CNTNAP2: variants seen among roughly 807,000 people sequenced by gnomAD.
CNTNAP2 encodes contactin-associated protein-like 2.
A neutral mutation model predicts 155.2 loss-of-function variants in CNTNAP2; 98 were observed. The observed-to-expected ratio is 0.63, with a 90% CI of 0.54 to 0.75. The LOEUF (loss-of-function observed/expected upper bound fraction) is 0.75, where lower values mean the gene tolerates loss of function less well. Among genes scored for constraint, CNTNAP2 ranks in the 30% least tolerant of loss-of-function variants. The pLI is 0.00. For synonymous variants in CNTNAP2, 651 were observed against 631.2 expected, an observed-to-expected ratio of 1.03 and a Z score of -0.47; for missense variants, 1,727 against 1,688.1, an observed-to-expected ratio of 1.02 and a Z score of -0.40.
intron 8 of CNTNAP2, among the ~76,000 whole-genome samples, chr7:147,137,271 TA>T (rs1801502157): frequency 6.6e-6 from 1 of 151,190 alleles, no homozygotes; most frequent in Non-Finnish European, 1.5e-5. Flanking sequence ...ATGCTAAGAA[TA>T]AAATTTTTAA....
chr7:147,333,638 T>C (rs1008754183), intron 9 of CNTNAP2, among the ~76,000 whole-genome samples: 7 of 152,150 alleles, frequency 4.6e-5, no homozygotes, highest in African/African-American at 1.7e-4. Context: ...AATAAGTACA[T>C]TGGGAAGTTT....
chr7:146,820,427 G>C (rs565651514), intron 2 of CNTNAP2, among the ~76,000 whole-genome samples: 1 of 152,222 alleles, frequency 6.6e-6, no homozygotes, highest in Middle Eastern at 3.4e-3. Flanking sequence ...AAAACATACA[G>C]ACTTTTAAAA....
intron 10 of CNTNAP2, 129 bp downstream of exon 10, chr7:147,395,909 A>G: frequency 1.0e-6 from 1 of 952,694 alleles, no homozygotes; most frequent in East Asian, 2.5e-5. Flanking sequence ...TTACCATTCA[A>G]AGTACGTATT....
chr7:148,002,627 C>T (rs572407957), intron 15 of CNTNAP2, among the ~76,000 whole-genome samples: 4 of 152,144 alleles, frequency 2.6e-5, no homozygotes, highest in Admixed American at 6.5e-5. Context: ...TGCCCAAAAC[C>T]TTGATTTTTT....
chr7:146,267,107 T>C (rs1800005940), intron 1 of CNTNAP2, among the ~76,000 whole-genome samples: 1 of 152,038 alleles, frequency 6.6e-6, no homozygotes, highest in African/African-American at 2.4e-5. Context: ...GAGGCAAATA[T>C]CAGGAAAGAA....
Position 148,023,852 on chromosome 7 carries a change from C to A in CNTNAP2, c.2383+45863C>A, listed in dbSNP as rs540255540. On this transcript the variant is annotated intron_variant, in intron 15 of 23. Coordinates refer to ENST00000361727, the MANE Select transcript of CNTNAP2 (RefSeq NM_014141.6). The stretch of plus-strand genomic sequence containing the variant: ...TGAGTTGGAAAGTCCTGTAACTCTA[C>A]CTTCTGGGATTTTATGAATTTTCCT... Among the ~76,000 whole-genome samples, 4 of 152,236 alleles carry A rather than the reference C, an allele frequency of 2.6e-5. No homozygotes were observed. The South Asian group carries it at 8.3e-4, about 32-fold the overall frequency.
chr7:146,856,155 A>T (rs1268385477), intron 3 of CNTNAP2, among the ~76,000 whole-genome samples: 1 of 152,022 alleles, frequency 6.6e-6, no homozygotes, highest in East Asian at 1.9e-4. Context: ...ACACCAAAAT[A>T]GTTAAGGACA....
At chr7:147,961,166 C>G (rs1474471837) in intron 14 of CNTNAP2, among the ~76,000 whole-genome samples, 1 of 152,066 alleles carries the variant, frequency 6.6e-6, no homozygotes, top group African/African-American at 2.4e-5. Flanking sequence ...ATTTATATCC[C>G]TGTCCTAACT....
intron 13 of CNTNAP2, among the ~76,000 whole-genome samples, chr7:147,802,062 G>A (rs1456738821): frequency 7.0e-6 from 1 of 143,788 alleles, no homozygotes; most frequent in Non-Finnish European, 1.6e-5. Flanking sequence ...TCTCAGACGG[G>A]GCAGTTGCCG....
At chr7:146,625,028 T>G (rs1799395973) in intron 1 of CNTNAP2, among the ~76,000 whole-genome samples, 1 of 151,998 alleles carries the variant, frequency 6.6e-6, no homozygotes, top group Non-Finnish European at 1.5e-5. Context: ...TAAATAGATA[T>G]ACAAGTATCT....
In CNTNAP2 at chr7:148,409,373, C is replaced by CTT; in HGVS notation, c.3716-17_3716-16insTT. 1.2e-6 allele frequency: 1 copy of CTT among 866,328 alleles called. No homozygotes were observed. Among genetic ancestry groups the CTT allele is most frequent in the Non-Finnish European group, 1.6e-6 (1 of 611,852 alleles). 53.7% of individuals were successfully genotyped at this position (866,328 alleles called of 1,614,324 possible). On this transcript the variant is annotated splice_polypyrimidine_tract_variant and intron_variant, in intron 22 of 23. Transcript: ENST00000361727. ...TAGTATACTTGACTCTGACACTTGA[C>CTT]TCTTTCTTTCTCTACAGCCAGTGCG...
intron 1 of CNTNAP2, among the ~76,000 whole-genome samples, chr7:146,596,192 A>C (rs1157387095): frequency 6.6e-6 from 1 of 151,980 alleles, no homozygotes; most frequent in African/African-American, 2.4e-5. Context: ...ATTTTCAGTC[A>C]CTGTTACATT....
chr7:148,286,404 GA>G, intron 21 of CNTNAP2, among the ~76,000 whole-genome samples: 1 of 152,256 alleles, frequency 6.6e-6, no homozygotes, highest in South Asian at 2.1e-4. Flanking sequence ...TACACAGAAA[GA>G]CCTGGCTTCA....
Position 146,486,978 on chromosome 7 carries a change from T to G in CNTNAP2, c.98-287293T>G, listed in dbSNP as rs148033215. ...TTGAATTTAACACAATTTTATTGCA[T>G]ATGAAAATGAAGAGGTCTGGAGATT... On this transcript the variant is annotated intron_variant, in intron 1 of 23. Coordinates refer to ENST00000361727, the MANE Select transcript of CNTNAP2 (RefSeq NM_014141.6). 1.7e-3 allele frequency among the ~76,000 whole-genome samples: 256 copies of G among 152,320 alleles called. 1 individual carries two copies. Among genetic ancestry groups the G allele is most frequent in the African/African-American group, 5.9e-3 (245 of 41,576 alleles).
At chr7:147,241,636 G>GAAA (rs773697991) in intron 8 of CNTNAP2, among the ~76,000 whole-genome samples, 2 of 63,130 alleles carry the variant, frequency 3.2e-5, no homozygotes, top group Non-Finnish European at 3.5e-5. Context: ...TCAAAAAAAG[G>GAAA]AAAAAAAAAA....
At chr7:147,882,081 C>T (rs1799531711) in intron 13 of CNTNAP2, among the ~76,000 whole-genome samples, 1 of 151,184 alleles carries the variant, frequency 6.6e-6, no homozygotes, top group South Asian at 2.1e-4. Flanking sequence ...ACAATATATG[C>T]AATGTAAAGA....
intron 13 of CNTNAP2, among the ~76,000 whole-genome samples, chr7:147,719,790 TTCTC>T (rs1038287667): frequency 6.6e-6 from 1 of 152,050 alleles, no homozygotes; most frequent in African/African-American, 2.4e-5. Flanking sequence ...ACTTTTGCCT[TTCTC>T]TCTTTTTTCA....
chr7:146,679,435 A>G (rs1007328547), intron 1 of CNTNAP2, among the ~76,000 whole-genome samples: 1 of 139,194 alleles, frequency 7.2e-6, no homozygotes, highest in Non-Finnish European at 1.5e-5. Flanking sequence ...GGCTCACTGC[A>G]ACTTCCACCT....
At chr7:147,678,118 G>T (rs1333838403) in intron 13 of CNTNAP2, among the ~76,000 whole-genome samples, 2 of 151,688 alleles carry the variant, frequency 1.3e-5, no homozygotes, top group African/African-American at 4.8e-5. Flanking sequence ...ATACTAACTG[G>T]CAGTTCCTTT....
Sources: gnomAD v4.1 joint callset for allele counts (sites outside exome capture counted in the v4.1 genomes callset) on GRCh38, gnomAD v4.1.1 for gene constraint, MANE v1.5 for transcripts, NCBI Gene and HGNC (gene_info 2026-07-23, HGNC 2026-07-21) for gene names.